Variants in SEMA5A observed in about 807,000 individuals in gnomAD.
SEMA5A encodes semaphorin 5A.
A neutral mutation model predicts 135.5 loss-of-function variants in SEMA5A; 55 were observed. That is an observed-to-expected ratio of 0.41 (90% CI 0.33 to 0.51). The LOEUF (loss-of-function observed/expected upper bound fraction) is 0.51. Ranked by LOEUF, SEMA5A falls within the 20% of genes least tolerant of loss-of-function variation. SEMA5A has a pLI of 0.37. For missense variants in SEMA5A, 1,290 were observed against 1,419.9 expected, an observed-to-expected ratio of 0.91 and a Z score of 1.47; for synonymous variants, 580 against 546.5, an observed-to-expected ratio of 1.06 and a Z score of -0.85.
intron 22 of SEMA5A, 72 bp from the exon 23 acceptor site, chr5:9,043,088 G>T (rs1736051519): frequency 3.0e-6 from 4 of 1,332,996 alleles, no homozygotes; most frequent in Non-Finnish European, 4.2e-6. Flanking sequence ...TAACAAGGAT[G>T]ACTATTATGT....
intron 9 of SEMA5A, among the ~76,000 whole-genome samples, chr5:9,199,425 C>T (rs533968116): frequency 6.6e-6 from 1 of 152,278 alleles, no homozygotes; most frequent in East Asian, 1.9e-4. Context: ...CTGCCCTCCC[C>T]GCTCTTCCTA....
intron 1 of SEMA5A, among the ~76,000 whole-genome samples, chr5:9,446,555 C>A (rs1220589166): frequency 6.6e-6 from 1 of 152,038 alleles, no homozygotes; most frequent in Non-Finnish European, 1.5e-5. Flanking sequence ...CAAGGACAGC[C>A]GGCCTCTGGG....
At chr5:9,102,976 A>C (rs916867313) in intron 16 of SEMA5A, among the ~76,000 whole-genome samples, 3 of 152,218 alleles carry the variant, frequency 2.0e-5, no homozygotes, top group Non-Finnish European at 4.4e-5. Flanking sequence ...ATACGACTGG[A>C]GCTAAACAAA....
intron 1 of SEMA5A, among the ~76,000 whole-genome samples, chr5:9,528,008 A>T (rs1318161684): frequency 6.6e-6 from 1 of 152,194 alleles, no homozygotes; most frequent in Non-Finnish European, 1.5e-5. Context: ...GTAATTTGTA[A>T]ATATGACATT....
At chr5:9,124,068 T>A (rs531825004) in intron 13 of SEMA5A, among the ~76,000 whole-genome samples, 2 of 152,154 alleles carry the variant, frequency 1.3e-5, no homozygotes, top group South Asian at 4.2e-4. Context: ...ACATGGGCAT[T>A]CCCCATCAGT....
chr5:9,170,317 A>G (rs1041529607), intron 11 of SEMA5A, among the ~76,000 whole-genome samples: 5 of 152,134 alleles, frequency 3.3e-5, no homozygotes, highest in African/African-American at 1.2e-4. Context: ...TTGTGAACTT[A>G]TTTTGAAGTA....
chr5:9,150,851 T>G (rs1742596520), intron 12 of SEMA5A, among the ~76,000 whole-genome samples: 1 of 152,218 alleles, frequency 6.6e-6, no homozygotes, highest in South Asian at 2.1e-4. Flanking sequence ...TCTGCCTGTC[T>G]GGGTACTGAC....
At position 9,135,728 on chromosome 5, in the gene SEMA5A, A is replaced by T. The variant is rs574199589; in HGVS notation, c.1599+776T>A. The stretch of plus-strand genomic sequence containing the variant: ...CAACATGACTTATGACTTTTCCATT[A>T]TATGGAAGTTAATAACTGTTGTTCA... On this transcript the variant is annotated intron_variant, in intron 13 of 22. Coordinates refer to ENST00000382496, the MANE Select transcript of SEMA5A (RefSeq NM_003966.3). Among the ~76,000 whole-genome samples, 3 of 152,332 alleles carry T rather than the reference A, an allele frequency of 2.0e-5. No individual in the cohort carries two copies. The East Asian group carries it at 5.8e-4, about 30-fold the overall frequency.
chr5:9,083,469 A>T (rs910657894), intron 16 of SEMA5A, among the ~76,000 whole-genome samples: 2 of 152,222 alleles, frequency 1.3e-5, no homozygotes, highest in African/African-American at 4.8e-5. Context: ...AAGTACCATA[A>T]TTTAAACACG....
At chr5:9,266,639 A>G (rs1579748095) in intron 5 of SEMA5A, among the ~76,000 whole-genome samples, 2 of 152,206 alleles carry the variant, frequency 1.3e-5, no homozygotes, top group East Asian at 1.9e-4. Context: ...GATTATAGCA[A>G]TGAAATAATT....
At chr5:9,178,325 TC>T (rs1400032079) in intron 11 of SEMA5A, among the ~76,000 whole-genome samples, 2 of 142,474 alleles carry the variant, frequency 1.4e-5, no homozygotes. Flanking sequence ...CTTTTTTTTT[TC>T]TCTCCTTTTT....
At chr5:9,060,432 A>G (rs1350133887) in intron 18 of SEMA5A, among the ~76,000 whole-genome samples, 1 of 152,108 alleles carries the variant, frequency 6.6e-6, no homozygotes. Flanking sequence ...GAGCCCAGGG[A>G]GACAAGGGTG....
chr5:9,191,566 AT>A (rs1745114172), intron 10 of SEMA5A, among the ~76,000 whole-genome samples: 1 of 152,224 alleles, frequency 6.6e-6, no homozygotes, highest in Non-Finnish European at 1.5e-5. Context: ...GTCATGTCTA[AT>A]ATGTGGTTTT....
At chr5:9,386,698 G>A (rs376889122) in intron 2 of SEMA5A, among the ~76,000 whole-genome samples, 1 of 152,224 alleles carries the variant, frequency 6.6e-6, no homozygotes, top group African/African-American at 2.4e-5. Context: ...CCACGTGAAA[G>A]GTTGCCTTGG....
intron 4 of SEMA5A, among the ~76,000 whole-genome samples, chr5:9,326,829 G>A (rs1752901792): frequency 6.6e-6 from 1 of 152,106 alleles, no homozygotes; most frequent in Non-Finnish European, 1.5e-5. Flanking sequence ...AACATAAAGT[G>A]TTGTAAAATT....
chr5:9,502,823 GA>G (rs1735666484), intron 1 of SEMA5A, among the ~76,000 whole-genome samples: 1 of 152,150 alleles, frequency 6.6e-6, no homozygotes, highest in African/African-American at 2.4e-5. Flanking sequence ...CTAATTGGGG[GA>G]AGGACAGAGT....
chr5:9,215,801 C>A (rs1253382619), intron 8 of SEMA5A, among the ~76,000 whole-genome samples: 3 of 151,784 alleles, frequency 2.0e-5, no homozygotes, highest in South Asian at 2.1e-4. Flanking sequence ...CTTTATTAGT[C>A]TAGCTAGTGG....
At chr5:9,055,054 T>G (rs1276293795) in intron 18 of SEMA5A, among the ~76,000 whole-genome samples, 1 of 152,200 alleles carries the variant, frequency 6.6e-6, no homozygotes, top group Non-Finnish European at 1.5e-5. Flanking sequence ...TTCTTTAGGC[T>G]GGGCTCTTGG....
chr5:9,493,961 T>C (rs1735168719), intron 1 of SEMA5A, among the ~76,000 whole-genome samples: 1 of 152,242 alleles, frequency 6.6e-6, no homozygotes, highest in Admixed American at 6.5e-5. Flanking sequence ...ACAAGCAGCA[T>C]CTATTTCCAG....
Sources: gnomAD v4.1 joint callset for allele counts (sites outside exome capture counted in the v4.1 genomes callset) on GRCh38, gnomAD v4.1.1 for gene constraint, MANE v1.5 for transcripts, NCBI Gene and HGNC (gene_info 2026-07-23, HGNC 2026-07-21) for gene names.